Variants in PDE7B observed in about 807,000 individuals in gnomAD.
The protein encoded by PDE7B is 3',5'-cyclic-AMP phosphodiesterase 7B.
In PDE7B, 29 loss-of-function variants were observed where a neutral mutation model predicts 56.2. The observed-to-expected ratio is 0.52, with a 90% confidence interval of 0.38 to 0.70. The LOEUF is 0.70. Among genes scored for constraint, PDE7B ranks in the 30% least tolerant of loss-of-function variants. The pLI is 0.00. For missense variants in PDE7B, 490 were observed against 565.0 expected (o/e 0.87, Z 1.35); for synonymous variants, 197 against 196.9 (o/e 1.00, Z 0.00).
At chr6:135,918,080 C>A (rs896110110) in intron 1 of PDE7B, among the ~76,000 whole-genome samples, 6 of 152,256 alleles carry the variant, frequency 3.9e-5, no homozygotes, top group Non-Finnish European at 7.4e-5. Flanking sequence ...ATGCAGATTT[C>A]TGGTCTTTCT....
At chr6:135,952,243 CAAATAT>C (rs1368107893) in intron 2 of PDE7B, among the ~76,000 whole-genome samples, 1 of 151,906 alleles carries the variant, frequency 6.6e-6, no homozygotes, top group African/African-American at 2.4e-5. Flanking sequence ...TGATAATAAG[CAAATAT>C]AAATAAGCTA....
intron 2 of PDE7B, among the ~76,000 whole-genome samples, chr6:135,972,233 C>CAAA (rs72005772): frequency 7.7e-5 from 5 of 65,186 alleles, no homozygotes; most frequent in East Asian, 5.5e-4. Context: ...AAACTGTTCT[C>CAAA]AAAAAAAAAA....
At chr6:136,165,471 G>A (rs1043649837) in intron 8 of PDE7B, 1 of 152,116 alleles carries the variant, frequency 6.6e-6, no homozygotes, top group Non-Finnish European at 1.5e-5. Context: ...AATCAACTTG[G>A]TGTATTTGTG....
intron 2 of PDE7B, among the ~76,000 whole-genome samples, chr6:135,953,287 T>C (rs985612129): frequency 3.9e-5 from 6 of 152,166 alleles, no homozygotes; most frequent in Non-Finnish European, 7.3e-5. Context: ...ATGAGACCTA[T>C]ATACTGTTTC....
chr6:136,102,480 C>G (rs17253707), intron 2 of PDE7B, among the ~76,000 whole-genome samples: 154 of 152,276 alleles, frequency 1.0e-3, no homozygotes, highest in Middle Eastern at 3.4e-3. Context: ...GTGAATGATG[C>G]GTAATCTTAC....
chr6:136,060,283 G>T (rs1776814755), intron 2 of PDE7B, among the ~76,000 whole-genome samples: 1 of 151,930 alleles, frequency 6.6e-6, no homozygotes, highest in Non-Finnish European at 1.5e-5. Flanking sequence ...GATTCTTTTG[G>T]CTCCCATTTG....
chr6:136,037,258 G>A (rs1383785269), intron 2 of PDE7B, among the ~76,000 whole-genome samples: 1 of 152,200 alleles, frequency 6.6e-6, no homozygotes, highest in Non-Finnish European at 1.5e-5. Flanking sequence ...CACATATCCA[G>A]GCTATGCAGG....
chr6:136,113,353 A>G (rs1442802213), intron 3 of PDE7B, among the ~76,000 whole-genome samples: 1 of 152,238 alleles, frequency 6.6e-6, no homozygotes, highest in Non-Finnish European at 1.5e-5. Context: ...CATTTTCATA[A>G]GAGATTCATC....
chr6:135,990,360 T>C (rs1775458794), intron 2 of PDE7B, among the ~76,000 whole-genome samples: 1 of 152,178 alleles, frequency 6.6e-6, no homozygotes, highest in Non-Finnish European at 1.5e-5. Context: ...TCCCCCAAAG[T>C]GCTGGGATTA....
chr6:136,130,949 C>A (rs1010617089), intron 3 of PDE7B, among the ~76,000 whole-genome samples: 2 of 152,096 alleles, frequency 1.3e-5, no homozygotes, highest in Non-Finnish European at 2.9e-5. Context: ...GGAAAACCAC[C>A]CCATGATTCA....
chr6:136,090,648 A>G (rs1777371294), intron 2 of PDE7B, among the ~76,000 whole-genome samples: 1 of 152,194 alleles, frequency 6.6e-6, no homozygotes, highest in Admixed American at 6.5e-5. Flanking sequence ...GGGCAATTCA[A>G]GAAAAGTGTG....
chr6:136,069,004 G>A (rs1356505877), intron 2 of PDE7B, among the ~76,000 whole-genome samples: 1 of 152,126 alleles, frequency 6.6e-6, no homozygotes, highest in Non-Finnish European at 1.5e-5. Context: ...CTGTTTTAAT[G>A]TCAGTGCTGG....
At chr6:136,036,720 T>C (rs1348288075) in intron 2 of PDE7B, among the ~76,000 whole-genome samples, 1 of 152,174 alleles carries the variant, frequency 6.6e-6, no homozygotes, top group Non-Finnish European at 1.5e-5. Flanking sequence ...GAAAGGAATG[T>C]AGAGCAGAAG....
chr6:135,903,507 T>C (rs1241695903), intron 1 of PDE7B, among the ~76,000 whole-genome samples: 1 of 152,176 alleles, frequency 6.6e-6, no homozygotes, highest in Non-Finnish European at 1.5e-5. Context: ...GGGGAAGCTC[T>C]AAAAGTTGTT....
chr6:136,129,527 G>A (rs1454736965), intron 3 of PDE7B, among the ~76,000 whole-genome samples: 1 of 152,152 alleles, frequency 6.6e-6, no homozygotes, highest in Non-Finnish European at 1.5e-5. Flanking sequence ...CACTGTTTTT[G>A]GCTCTTGCTG....
intron 2 of PDE7B, among the ~76,000 whole-genome samples, chr6:136,010,417 T>G (rs12173805): frequency 6.7e-6 from 1 of 150,076 alleles, no homozygotes. Context: ...TTTGGTTTTG[T>G]TTTTTGAGAC....
At chr6:136,132,934 G>T (rs751732301) in intron 3 of PDE7B, among the ~76,000 whole-genome samples, 2 of 152,080 alleles carry the variant, frequency 1.3e-5, no homozygotes, top group African/African-American at 4.8e-5. Context: ...ATAGAGCGCC[G>T]TGGGCACTAA....
intron 2 of PDE7B, chr6:136,038,528 G>T: frequency 7.8e-7 from 1 of 1,274,330 alleles, no homozygotes; most frequent in Non-Finnish European, 1.0e-6. Context: ...CAGCTTTCCA[G>T]GTAAATTGAC....
chr6:136,128,107 G>A (rs372344424), intron 3 of PDE7B, among the ~76,000 whole-genome samples: 59 of 152,216 alleles, frequency 3.9e-4, no homozygotes, highest in South Asian at 1.9e-3. Flanking sequence ...TGAAAATGTC[G>A]GGCAGGTCTT....
Sources: allele counts gnomAD v4.1 joint callset (sites outside exome capture counted in the v4.1 genomes callset), GRCh38; gene constraint gnomAD v4.1.1; transcripts MANE v1.5; gene names NCBI Gene and HGNC (gene_info 2026-07-23, HGNC 2026-07-21).